The following KCNIP4 variants were observed in gnomAD, a reference collection of about 807,000 sequenced individuals.
The protein encoded by KCNIP4 is Kv channel-interacting protein 4.
A neutral mutation model predicts 34.0 loss-of-function variants in KCNIP4; 12 were observed. The ratio of observed to expected loss-of-function variants is 0.35; its 90% CI spans 0.23 to 0.57. The LOEUF is 0.57. Among genes scored for constraint, KCNIP4 ranks in the 20% least tolerant of loss-of-function variants. KCNIP4 has a pLI of 0.83. For missense variants in KCNIP4, 238 were observed against 311.7 expected (o/e 0.76, Z 1.78); for synonymous variants, 124 against 102.2 (o/e 1.21, Z -1.29).
chr4:21,306,131 T>C (rs1414658728), intron 1 of KCNIP4, among the ~76,000 whole-genome samples: 1 of 152,184 alleles, frequency 6.6e-6, no homozygotes, highest in Non-Finnish European at 1.5e-5. Flanking sequence ...ATTCTAAAAG[T>C]AGGGATGATG....
intron 1 of KCNIP4, among the ~76,000 whole-genome samples, chr4:21,399,245 G>C (rs1382091938): frequency 6.6e-6 from 1 of 152,290 alleles, no homozygotes; most frequent in South Asian, 2.1e-4. Flanking sequence ...TGTAGGTTCT[G>C]TTAGGGCATG....
rs1262556882 is a variant in KCNIP4, at chr4:21,109,223, G to A, written c.62-226514C>T. Among the ~76,000 whole-genome samples, 63 of 152,314 alleles carry A rather than the reference G, an allele frequency of 4.1e-4. No individual in the cohort carries two copies. In the South Asian group the frequency reaches 0.013, roughly 31 times the overall value. On this transcript the variant is annotated intron_variant, in intron 1 of 8. Transcript: ENST00000382152. ...CCAGAGGTGGAGCCTACAGAGGCAG[G>A]CAGGCCTCCTTGAGCTGTGGTGGGC...
At chr4:20,742,942 C>T (rs988551485) in intron 5 of KCNIP4, among the ~76,000 whole-genome samples, 7 of 151,920 alleles carry the variant, frequency 4.6e-5, no homozygotes, top group African/African-American at 1.7e-4. Context: ...AGAGCCAAAT[C>T]ATGAGTGAAC....
At chr4:20,797,319 A>G (rs1205425570) in intron 3 of KCNIP4, among the ~76,000 whole-genome samples, 1 of 152,190 alleles carries the variant, frequency 6.6e-6, no homozygotes, top group Non-Finnish European at 1.5e-5. Context: ...ATTATAATCA[A>G]GCATGCCTGA....
chr4:21,053,085 T>A (rs1743071769), intron 1 of KCNIP4, among the ~76,000 whole-genome samples: 1 of 151,946 alleles, frequency 6.6e-6, no homozygotes, highest in Non-Finnish European at 1.5e-5. Context: ...TCAAATCTGA[T>A]CTGTAATTGT....
Position 21,586,222 on chromosome 4 carries a change from C to T in KCNIP4, c.61+362349G>A, listed in dbSNP as rs116626460. 6.4e-3 allele frequency among the ~76,000 whole-genome samples: 970 copies of T among 152,178 alleles called. 4 individuals are homozygous for T. The highest frequency in any genetic ancestry group is 0.01 in the Non-Finnish European group (681 of 68,002). On this transcript the variant is annotated intron_variant, in intron 1 of 8. Coordinates refer to ENST00000382152, the MANE Select transcript of KCNIP4 (RefSeq NM_025221.6). ...AGCACATTTCCAATTGTTAATTATA[C>T]ACTTAATTATATATTTATTTAAGTG...
At chr4:21,228,217 C>T (rs1021899317) in intron 1 of KCNIP4, among the ~76,000 whole-genome samples, 5 of 152,098 alleles carry the variant, frequency 3.3e-5, no homozygotes, top group East Asian at 1.9e-4. Context: ...TGTGGGTGGA[C>T]TTCCTCCTTA....
At chr4:21,769,702 T>C (rs750030657) in intron 1 of KCNIP4, among the ~76,000 whole-genome samples, 1 of 152,274 alleles carries the variant, frequency 6.6e-6, no homozygotes, top group African/African-American at 2.4e-5. Context: ...TCTGTACTTA[T>C]AGGAATTTAT....
At chr4:21,732,797 T>C (rs150415874) in intron 1 of KCNIP4, among the ~76,000 whole-genome samples, 2 of 152,326 alleles carry the variant, frequency 1.3e-5, no homozygotes, top group East Asian at 3.9e-4. Flanking sequence ...CTGCTCAGAC[T>C]CTGAGGAGTA....
chr4:21,253,394 A>T (rs1188583828), intron 1 of KCNIP4, among the ~76,000 whole-genome samples: 1 of 152,202 alleles, frequency 6.6e-6, no homozygotes, highest in East Asian at 1.9e-4. Context: ...TCAGTAGGTT[A>T]TTGATGACAT....
At chr4:21,331,400 C>A (rs1404741243) in intron 1 of KCNIP4, among the ~76,000 whole-genome samples, 1 of 152,084 alleles carries the variant, frequency 6.6e-6, no homozygotes, top group African/African-American at 2.4e-5. Flanking sequence ...ACTACATTAT[C>A]ATGTTCCTGT....
chr4:21,841,347 C>G (rs1209805050), intron 1 of KCNIP4, among the ~76,000 whole-genome samples: 1 of 152,150 alleles, frequency 6.6e-6, no homozygotes. Flanking sequence ...CAGATGGTTA[C>G]CTGGTCTCTT....
At chr4:21,896,384 T>C (rs1727386108) in intron 1 of KCNIP4, among the ~76,000 whole-genome samples, 1 of 152,134 alleles carries the variant, frequency 6.6e-6, no homozygotes, top group African/African-American at 2.4e-5. Flanking sequence ...TGTAAAAATA[T>C]AGCTGGTAGC....
chr4:20,950,522 T>A (rs73805236), intron 1 of KCNIP4, among the ~76,000 whole-genome samples: 2,289 of 152,126 alleles, frequency 0.015, 25 homozygotes, highest in Middle Eastern at 0.037. Flanking sequence ...GCAATCAAAA[T>A]CCCCAAGCCA....
At position 20,988,000 on chromosome 4, in the gene KCNIP4, C is replaced by CAAA. The variant is rs36044149; in HGVS notation, c.62-105294_62-105292dup. On this transcript the variant is annotated intron_variant, in intron 1 of 8. Transcript: ENST00000382152. Reference sequence around the variant, plus strand: ...TGGGCGACACGGCGAGATTCCATCTCAAAAAAAAAAAAAAAAAAAAAATTA... The same window carrying CAAA: ...TGGGCGACACGGCGAGATTCCATCTCAAAAAAAAAAAAAAAAAAAAAAAAATTA... Among the ~76,000 whole-genome samples, 240 of 46,282 alleles carry CAAA rather than the reference C, an allele frequency of 5.2e-3. 25 individuals carry two copies. Among genetic ancestry groups the CAAA allele is most frequent in the African/African-American group, 0.019 (223 of 11,802 alleles). 30.4% of individuals were successfully genotyped at this position (46,282 alleles called of 152,430 possible).
At chr4:21,380,936 G>A (rs1285417931) in intron 1 of KCNIP4, among the ~76,000 whole-genome samples, 1 of 152,086 alleles carries the variant, frequency 6.6e-6, no homozygotes, top group African/African-American at 2.4e-5. Context: ...CAAGGTATAT[G>A]TTCTCAGCAC....
intron 1 of KCNIP4, among the ~76,000 whole-genome samples, chr4:21,406,952 T>A (rs1280283836): frequency 6.6e-6 from 1 of 152,176 alleles, no homozygotes; most frequent in Non-Finnish European, 1.5e-5. Context: ...ATTTTTGATA[T>A]CATAGAACAA....
rs16870447 is a variant in KCNIP4, at chr4:21,144,586, G to A, written c.62-261877C>T. On this transcript the variant is annotated intron_variant, in intron 1 of 8. Transcript: ENST00000382152. ...CACACAGTGCTGGAGTCTTGGAGCT[G>A]AGAATTTGGCATACTGGAATATAAA... 3.3e-5 allele frequency among the ~76,000 whole-genome samples: 5 copies of A among 152,276 alleles called. No homozygotes were observed. The East Asian group carries it at 9.7e-4, about 29-fold the overall frequency.
chr4:21,834,251 A>G (rs1723178537), intron 1 of KCNIP4, among the ~76,000 whole-genome samples: 1 of 152,066 alleles, frequency 6.6e-6, no homozygotes, highest in Admixed American at 6.6e-5. Flanking sequence ...ATTTGTTTGT[A>G]TCCTCTTTTA....
Sources: allele counts gnomAD v4.1 joint callset (sites outside exome capture counted in the v4.1 genomes callset), GRCh38; gene constraint gnomAD v4.1.1; transcripts MANE v1.5; gene names NCBI Gene and HGNC (gene_info 2026-07-23, HGNC 2026-07-21).